Variants in RPH3A observed in about 807,000 individuals in gnomAD.
RPH3A encodes rabphilin 3A.
RPH3A carries 48 observed loss-of-function variants against 102.2 expected under a neutral mutation model. The observed-to-expected ratio is 0.47, with a 90% CI of 0.37 to 0.60. RPH3A has a LOEUF of 0.60. Among genes scored for constraint, RPH3A ranks in the 20% least tolerant of loss-of-function variants. The pLI is 0.00. For missense variants in RPH3A, 781 were observed against 910.1 expected, an observed-to-expected ratio of 0.86 and a Z score of 1.83; for synonymous variants, 310 against 324.3, an observed-to-expected ratio of 0.96 and a Z score of 0.47.
Position 112,702,996 on chromosome 12 carries a change from G to T in RPH3A, c.-139-89147G>T, listed in dbSNP as rs144153412. Among the ~76,000 whole-genome samples the T allele has an allele frequency of 2.7e-4, 41 of 152,246 alleles. No homozygotes were observed. The East Asian group carries it at 3.3e-3, about 12-fold the overall frequency. On this transcript the variant is annotated intron_variant, in intron 1 of 21. Transcript: ENST00000543106. ...GATGCTAGGCTGGGCCACATGACTT[G>T]CTCTAGCCAACAGAATGACTAGGAA...
chr12:112,891,950 C>G (rs571072611), intron 19 of RPH3A, among the ~76,000 whole-genome samples: 4 of 152,332 alleles, frequency 2.6e-5, no homozygotes, highest in African/African-American at 9.6e-5. Flanking sequence ...GGACTCTAAG[C>G]AAGTTATTTA....
intron 16 of RPH3A, among the ~76,000 whole-genome samples, chr12:112,884,486 A>G (rs962128664): frequency 1.3e-5 from 2 of 152,212 alleles, no homozygotes; most frequent in African/African-American, 4.8e-5. Context: ...ATTTTTGTGT[A>G]AATGTTTACC....
intron 18 of RPH3A, 79 bp downstream of exon 18, chr12:112,890,159 C>T: frequency 7.7e-7 from 1 of 1,290,432 alleles, no homozygotes; most frequent in Non-Finnish European, 1.1e-6. Context: ...CTCTCCCTCC[C>T]TGGCCCCTTC....
intron 1 of RPH3A, among the ~76,000 whole-genome samples, chr12:112,621,549 AG>A (rs1010827708): frequency 2.0e-5 from 3 of 146,700 alleles, no homozygotes; most frequent in African/African-American, 7.8e-5. Flanking sequence ...CCTGGCTCGG[AG>A]GGTCCTACGC....
intron 1 of RPH3A, among the ~76,000 whole-genome samples, chr12:112,585,855 C>T (rs1237899914): frequency 1.3e-5 from 2 of 152,116 alleles, no homozygotes; most frequent in Non-Finnish European, 2.9e-5. Flanking sequence ...GACCAAGAGC[C>T]CTCTAGATAA....
chr12:112,723,608 A>T (rs1470750767), intron 1 of RPH3A, among the ~76,000 whole-genome samples: 1 of 152,222 alleles, frequency 6.6e-6, no homozygotes, highest in African/African-American at 2.4e-5. Context: ...GGAGTTATTC[A>T]AGGTTTATGG....
intron 2 of RPH3A, among the ~76,000 whole-genome samples, chr12:112,813,128 T>A (rs1033636343): frequency 6.6e-6 from 1 of 152,224 alleles, no homozygotes; most frequent in African/African-American, 2.4e-5. Flanking sequence ...CATCTTAACA[T>A]CACACAACTA....
chr12:112,779,794 C>A (rs2040994429), intron 1 of RPH3A, among the ~76,000 whole-genome samples: 1 of 152,098 alleles, frequency 6.6e-6, no homozygotes, highest in Non-Finnish European at 1.5e-5. Context: ...AGAGTCCTTG[C>A]AGATATAAAC....
chr12:112,730,673 AC>A (rs1384293704), intron 1 of RPH3A, among the ~76,000 whole-genome samples: 5 of 151,956 alleles, frequency 3.3e-5, no homozygotes. Context: ...GCTTTTGGAG[AC>A]CCCCAAGTGG....
chr12:112,602,676 C>A (rs1419756659), intron 1 of RPH3A, among the ~76,000 whole-genome samples: 1 of 152,064 alleles, frequency 6.6e-6, no homozygotes, highest in Non-Finnish European at 1.5e-5. Context: ...GTAATCCCAG[C>A]TACTCAGGAG....
intron 5 of RPH3A, among the ~76,000 whole-genome samples, chr12:112,863,030 T>C (rs944878501): frequency 2.6e-5 from 4 of 152,094 alleles, no homozygotes; most frequent in Non-Finnish European, 4.4e-5. Flanking sequence ...GAGGGAGTCC[T>C]CATTTGAGGG....
chr12:112,577,463 CA>C (rs1466438786), intron 1 of RPH3A, among the ~76,000 whole-genome samples: 1 of 152,178 alleles, frequency 6.6e-6, no homozygotes, highest in African/African-American at 2.4e-5. Flanking sequence ...TGAGGATGAT[CA>C]GAGGTCACTT....
intron 1 of RPH3A, among the ~76,000 whole-genome samples, chr12:112,712,602 G>A (rs1410377856): frequency 6.6e-6 from 1 of 152,046 alleles, no homozygotes; most frequent in Non-Finnish European, 1.5e-5. Flanking sequence ...TGTCCCTCAT[G>A]CCCCGACCAG....
intron 2 of RPH3A, among the ~76,000 whole-genome samples, chr12:112,814,442 A>G (rs901272174): frequency 6.6e-6 from 1 of 152,050 alleles, no homozygotes; most frequent in African/African-American, 2.4e-5. Context: ...ACCTCCAATG[A>G]TGGGGAGCCT....
intron 1 of RPH3A, among the ~76,000 whole-genome samples, chr12:112,729,479 C>G (rs2040618531): frequency 6.6e-6 from 1 of 152,064 alleles, no homozygotes; most frequent in African/African-American, 2.4e-5. Flanking sequence ...AGCCGCTGCA[C>G]TCGGCATACA....
intron 1 of RPH3A, among the ~76,000 whole-genome samples, chr12:112,713,091 C>G (rs1239576727): frequency 1.7e-5 from 2 of 117,874 alleles, no homozygotes; most frequent in South Asian, 3.0e-4. Context: ...TCTTCTTCTT[C>G]TTCTTCTTCT....
chr12:112,821,237 C>T (rs1231538324), intron 2 of RPH3A, among the ~76,000 whole-genome samples: 3 of 152,148 alleles, frequency 2.0e-5, no homozygotes, highest in Admixed American at 6.5e-5. Flanking sequence ...CCCAAGTGTC[C>T]TTGTCATAGT....
intron 1 of RPH3A, among the ~76,000 whole-genome samples, chr12:112,671,772 G>A (rs2040131847): frequency 6.6e-6 from 1 of 151,928 alleles, no homozygotes; most frequent in African/African-American, 2.4e-5. Flanking sequence ...GTAGCAGAGA[G>A]TACATGAGTA....
intron 1 of RPH3A, among the ~76,000 whole-genome samples, chr12:112,621,349 G>A (rs1322400751): frequency 6.7e-6 from 1 of 149,900 alleles, no homozygotes; most frequent in Non-Finnish European, 1.5e-5. Context: ...CAGTGGGTGC[G>A]CGCACCGTGC....
Sources: allele counts gnomAD v4.1 joint callset (sites outside exome capture counted in the v4.1 genomes callset), GRCh38; gene constraint gnomAD v4.1.1; transcripts MANE v1.5; gene names NCBI Gene and HGNC (gene_info 2026-07-23, HGNC 2026-07-21).